Variants in TRPM3 observed in about 807,000 individuals in gnomAD.
TRPM3 encodes the protein transient receptor potential cation channel subfamily M member 3, also known as long transient receptor potential channel 3.
Under a neutral mutation model 181.2 loss-of-function variants are expected in TRPM3, and 77 were observed. The observed-to-expected ratio is 0.42, with a 90% CI of 0.35 to 0.51. TRPM3 has a LOEUF of 0.51. Among genes scored for constraint, TRPM3 ranks in the 20% least tolerant of loss-of-function variants. The pLI is 0.01. For synonymous variants in TRPM3, 745 were observed against 796.4 expected, an observed-to-expected ratio of 0.94 and a Z score of 1.09; for missense variants, 1,759 against 2,196.7, an observed-to-expected ratio of 0.80 and a Z score of 3.98.
intron 1 of TRPM3, among the ~76,000 whole-genome samples, chr9:71,172,911 A>G (rs1420601303): frequency 1.3e-5 from 2 of 152,214 alleles, no homozygotes; most frequent in Non-Finnish European, 2.9e-5. Flanking sequence ...CTTTAGAGGT[A>G]TCTAAAATGC....
intron 22 of TRPM3, among the ~76,000 whole-genome samples, chr9:70,589,938 G>A (rs908817015): frequency 1.3e-5 from 2 of 152,170 alleles, no homozygotes; most frequent in African/African-American, 4.8e-5. Context: ...CCGGGGATGG[G>A]CAGTGGGAGT....
Position 70,549,686 on chromosome 9 carries a change from A to T in TRPM3, c.3575-12T>A. ...GGTTATGAAGAGTTCTGTGGAAAAA[A>T]AAAAAAAGGAAGTCTTGAGGGAGAG... On this transcript the variant is annotated splice_polypyrimidine_tract_variant and intron_variant, in intron 24 of 25. Transcript: ENST00000677713. 1 of 1,582,906 alleles carries T rather than the reference A, an allele frequency of 6.3e-7. No homozygotes were observed. The highest frequency in any genetic ancestry group is 8.5e-7 in the Non-Finnish European group (1 of 1,172,966).
intron 1 of TRPM3, among the ~76,000 whole-genome samples, chr9:71,310,292 A>T (rs2087793849): frequency 6.6e-6 from 1 of 152,124 alleles, no homozygotes; most frequent in Non-Finnish European, 1.5e-5. Flanking sequence ...AAAAACCCAA[A>T]ATAAAACTAA....
intron 1 of TRPM3, among the ~76,000 whole-genome samples, chr9:71,033,443 T>A (rs1447162081): frequency 6.6e-6 from 1 of 152,184 alleles, no homozygotes; most frequent in Admixed American, 6.5e-5. Context: ...CTATGGTATA[T>A]TTCTGGTCAC....
chr9:70,535,609 G>T lies in TRPM3; in HGVS notation c.*344C>A, dbSNP rs2041530740. 1 of 1,477,432 alleles carries T rather than the reference G, an allele frequency of 6.8e-7. No homozygotes were observed. Among genetic ancestry groups the T allele is most frequent in the Non-Finnish European group, 8.9e-7 (1 of 1,120,654 alleles). 91.5% of individuals were successfully genotyped at this position (1,477,432 alleles called of 1,614,324 possible). ...GTCAGAAATCAACAGATGCCTCCTG[G>T]CATGGAGCGTGCTCGAAGCCCCTTG... On this transcript the variant is annotated 3_prime_UTR_variant, in exon 26 of 26. Transcript: ENST00000677713.
intron 8 of TRPM3, among the ~76,000 whole-genome samples, chr9:70,685,349 A>G (rs1248986238): frequency 1.3e-5 from 2 of 151,422 alleles, no homozygotes; most frequent in African/African-American, 4.8e-5. Flanking sequence ...CTGTTTCACT[A>G]TATCAAAATC....
chr9:70,843,020 C>A lies in TRPM3; in HGVS notation c.784G>T (p.Asp262Tyr), dbSNP rs1363220660. ...APWGIVENQE[D>Y]LIGRDVVRPY... ...GGACTTACATCTCTTCCAATGAGGT[C>A]CTCCTGGTTTTCCACAATTCCCCAG... The change falls in exon 5 of 26, where the codon GAC becomes TAC. Residue 262 changes from aspartate to tyrosine, a missense_variant. Transcript: ENST00000677713. The A allele has an allele frequency of 6.2e-7, 1 of 1,613,828 alleles. No individual in the cohort carries two copies.
chr9:70,752,112 A>G (rs1020519844), intron 8 of TRPM3, among the ~76,000 whole-genome samples: 8 of 151,782 alleles, frequency 5.3e-5, no homozygotes, highest in African/African-American at 1.7e-4. Flanking sequence ...ATTTATCTAT[A>G]AGAGCAAAGG....
At chr9:70,649,192 C>CT (rs58145886) in intron 9 of TRPM3, among the ~76,000 whole-genome samples, 5,332 of 144,170 alleles carry the variant, frequency 0.037, 122 homozygotes, top group Middle Eastern at 0.052. Context: ...TGAACAGACA[C>CT]TTTTTTTTTT....
At chr9:71,108,657 CAAAGA>C (rs780130198) in intron 1 of TRPM3, among the ~76,000 whole-genome samples, 2 of 152,024 alleles carry the variant, frequency 1.3e-5, no homozygotes, top group African/African-American at 4.8e-5. Flanking sequence ...AGCTAACTTA[CAAAGA>C]AAAGTATAAA....
chr9:71,105,615 C>T lies in TRPM3; in HGVS notation c.177+15563G>A, dbSNP rs2069334272. On this transcript the variant is annotated intron_variant, in intron 1 of 25. Transcript: ENST00000677713. Reference sequence around the variant, plus strand: ...TGATTAAGGCAGAGGAATATTGTGTCCTGGGGTGTAAGGGCCAGATAGAAG... The same window carrying T: ...TGATTAAGGCAGAGGAATATTGTGTTCTGGGGTGTAAGGGCCAGATAGAAG... Among the ~76,000 whole-genome samples, 2 of 152,050 alleles carry T rather than the reference C, an allele frequency of 1.3e-5. 1 individual carries two copies. The highest frequency in any genetic ancestry group is 4.1e-4 in the South Asian group (2 of 4,826).
intron 1 of TRPM3, among the ~76,000 whole-genome samples, chr9:71,345,509 A>G (rs747456313): frequency 2.0e-5 from 3 of 152,046 alleles, no homozygotes; most frequent in Admixed American, 2.0e-4. Flanking sequence ...CAAACACCGC[A>G]TATTCTCACT....
intron 1 of TRPM3, among the ~76,000 whole-genome samples, chr9:71,178,251 T>C (rs1193167404): frequency 6.6e-6 from 1 of 152,064 alleles, no homozygotes; most frequent in Non-Finnish European, 1.5e-5. Context: ...ACAAGAGAAA[T>C]AGAGCATATT....
At chr9:70,996,166 T>C (rs2097539763) in intron 1 of TRPM3, among the ~76,000 whole-genome samples, 1 of 152,202 alleles carries the variant, frequency 6.6e-6, no homozygotes, top group Admixed American at 6.5e-5. Context: ...TAATCAATGA[T>C]ATCTTCATCT....
intron 1 of TRPM3, among the ~76,000 whole-genome samples, chr9:71,335,040 A>G (rs2090457220): frequency 6.6e-6 from 1 of 152,172 alleles, no homozygotes; most frequent in Non-Finnish European, 1.5e-5. Flanking sequence ...TAGCTTTTAA[A>G]TGCCATAATG....
chr9:71,421,440 A>C (rs776817280), intron 1 of TRPM3, among the ~76,000 whole-genome samples: 2 of 151,956 alleles, frequency 1.3e-5, no homozygotes, highest in Non-Finnish European at 2.9e-5. Flanking sequence ...TAAATTTACA[A>C]AGGTGTCCCT....
At chr9:71,205,639 T>C (rs1407990903) in intron 1 of TRPM3, among the ~76,000 whole-genome samples, 1 of 152,208 alleles carries the variant, frequency 6.6e-6, no homozygotes. Context: ...AATCATACAC[T>C]TTCCTAAAAA....
At chr9:71,258,409 T>G (rs2082812881) in intron 1 of TRPM3, among the ~76,000 whole-genome samples, 1 of 152,194 alleles carries the variant, frequency 6.6e-6, no homozygotes, top group Non-Finnish European at 1.5e-5. Flanking sequence ...AAAGTCCCCA[T>G]GAATTCTATT....
chr9:71,174,212 A>T (rs923808690), intron 1 of TRPM3, among the ~76,000 whole-genome samples: 9 of 152,202 alleles, frequency 5.9e-5, no homozygotes, highest in African/African-American at 2.2e-4. Flanking sequence ...AAGACATCGC[A>T]GGAAAATTAA....
Sources: gnomAD v4.1 joint callset for allele counts (sites outside exome capture counted in the v4.1 genomes callset) on GRCh38, gnomAD v4.1.1 for gene constraint, MANE v1.5 for transcripts, NCBI Gene and HGNC (gene_info 2026-07-23, HGNC 2026-07-21) for gene names.